Variants in ADAMTSL1 observed in about 807,000 individuals in gnomAD.
ADAMTSL1 encodes ADAMTS like 1.
A neutral mutation model predicts 201.8 loss-of-function variants in ADAMTSL1; 126 were observed. The ratio of observed to expected loss-of-function variants is 0.62; its 90% confidence interval spans 0.54 to 0.72. The LOEUF (loss-of-function observed/expected upper bound fraction) is 0.72, where lower values mean the gene tolerates loss of function less well. ADAMTSL1 is among the 30% of genes least tolerant of loss of function. The pLI, the probability that ADAMTSL1 is intolerant of heterozygous loss-of-function variation, is 0.00. For missense variants in ADAMTSL1, 2,679 were observed against 2,277.8 expected, an observed-to-expected ratio of 1.18 and a Z score of -3.59; for synonymous variants, 1,121 against 903.4, an observed-to-expected ratio of 1.24 and a Z score of -4.32.
chr9:18,895,025 C>T (rs1829532958), intron 26 of ADAMTSL1, among the ~76,000 whole-genome samples: 2 of 152,106 alleles, frequency 1.3e-5, no homozygotes, highest in African/African-American at 2.4e-5. Context: ...AAGCATTGGC[C>T]TTATTTTATA....
chr9:18,387,654 T>C (rs985081487), intron 2 of ADAMTSL1, among the ~76,000 whole-genome samples: 1 of 152,208 alleles, frequency 6.6e-6, no homozygotes, highest in African/African-American at 2.4e-5. Flanking sequence ...ATTTGTTTTT[T>C]TAATTGATTT....
chr9:18,868,935 C>T (rs1016615951), intron 23 of ADAMTSL1, among the ~76,000 whole-genome samples: 3 of 152,156 alleles, frequency 2.0e-5, no homozygotes, highest in African/African-American at 7.2e-5. Flanking sequence ...TCTCCAGTAC[C>T]TGTGGATGTG....
intron 23 of ADAMTSL1, among the ~76,000 whole-genome samples, chr9:18,865,172 T>A (rs1393667072): frequency 2.0e-5 from 3 of 152,164 alleles, no homozygotes; most frequent in South Asian, 2.1e-4. Flanking sequence ...GTATATCTCC[T>A]AATGCTATCC....
rs1243190851 is a variant in ADAMTSL1 at position 18,460,544 on chromosome 9, G to C, written c.208-44285G>C. Among the ~76,000 whole-genome samples, 3 of 152,154 alleles carry C rather than the reference G, an allele frequency of 2.0e-5. No individual in the cohort carries two copies. In the South Asian group the frequency reaches 6.2e-4, roughly 32 times the overall value. ...ATTTATGGCAGATTTTGTGATGCCT[G>C]TGTTGTACTCTGATTTAATAGGGGG... On this transcript the variant is annotated intron_variant, in intron 2 of 29. Coordinates refer to the ADAMTSL1 transcript ENST00000680146.
chr9:18,853,983 A>C (rs796755769), intron 23 of ADAMTSL1, among the ~76,000 whole-genome samples: 23 of 151,800 alleles, frequency 1.5e-4, no homozygotes, highest in African/African-American at 5.6e-4. Flanking sequence ...TCTCCAAGAT[A>C]TTGTCTACCA....
intron 26 of ADAMTSL1, among the ~76,000 whole-genome samples, chr9:18,903,200 TAAAAAG>T (rs983754334): frequency 1.3e-5 from 2 of 151,370 alleles, no homozygotes; most frequent in African/African-American, 4.9e-5. Flanking sequence ...AACAAAAACA[TAAAAAG>T]AAAAAGAAAA....
At chr9:17,913,302 A>G (rs971643345) in intron 1 of ADAMTSL1, among the ~76,000 whole-genome samples, 4 of 152,132 alleles carry the variant, frequency 2.6e-5, no homozygotes, top group Admixed American at 6.5e-5. Flanking sequence ...GGCCATTTTC[A>G]TGATATTGAT....
At chr9:18,643,120 T>C (rs946766719) in intron 7 of ADAMTSL1, among the ~76,000 whole-genome samples, 1 of 152,020 alleles carries the variant, frequency 6.6e-6, no homozygotes, top group African/African-American at 2.4e-5. Flanking sequence ...TAACAGCAAT[T>C]CTATAAGGTG....
chr9:18,386,013 A>T (rs1278058167), intron 2 of ADAMTSL1, among the ~76,000 whole-genome samples: 1 of 152,216 alleles, frequency 6.6e-6, no homozygotes, highest in Non-Finnish European at 1.5e-5. Context: ...CAGCGAAGTC[A>T]AAGAATGCAT....
chr9:18,225,024 T>C (rs1830393598), intron 2 of ADAMTSL1, among the ~76,000 whole-genome samples: 1 of 152,184 alleles, frequency 6.6e-6, no homozygotes, highest in East Asian at 1.9e-4. Flanking sequence ...AAACTGTTCT[T>C]GTAAACTACT....
rs377152353 is a variant in ADAMTSL1, at chr9:18,201,933, C to T, written c.207+37952C>T. ...GAAATACCTGTGTAATAATTTATCA[C>T]CACTGAATTTGGCCTTTTTCTCAAA... is the stretch of plus-strand genomic sequence containing the variant. On this transcript the variant is annotated intron_variant, in intron 2 of 29. Coordinates refer to the ADAMTSL1 transcript ENST00000680146. 4.6e-5 allele frequency among the ~76,000 whole-genome samples: 7 copies of T among 152,220 alleles called. No homozygotes were observed. In the East Asian group the frequency reaches 1.2e-3, roughly 25 times the overall value.
At chr9:18,658,814 A>G (rs1165427552) in intron 8 of ADAMTSL1, among the ~76,000 whole-genome samples, 3 of 152,306 alleles carry the variant, frequency 2.0e-5, no homozygotes, top group Non-Finnish European at 4.4e-5. Flanking sequence ...TTTAACTTTT[A>G]TGCTTTTATA....
At chr9:18,141,349 A>G (rs112707176) in intron 1 of ADAMTSL1, among the ~76,000 whole-genome samples, 25 of 152,324 alleles carry the variant, frequency 1.6e-4, no homozygotes, top group African/African-American at 5.3e-4. Flanking sequence ...AGGCTGGGAA[A>G]GAGGCTCTAA....
intron 2 of ADAMTSL1, among the ~76,000 whole-genome samples, chr9:18,173,786 G>T (rs1017308739): frequency 2.6e-5 from 4 of 152,116 alleles, no homozygotes; most frequent in African/African-American, 9.7e-5. Context: ...TAAATAACAC[G>T]TGTGAATTTT....
At chr9:18,367,636 AT>A (rs1267629589) in intron 2 of ADAMTSL1, among the ~76,000 whole-genome samples, 1 of 150,504 alleles carries the variant, frequency 6.6e-6, no homozygotes, top group Non-Finnish European at 1.5e-5. Flanking sequence ...CACTTTACAT[AT>A]TCTAATTCAA....
chr9:18,124,941 G>A (rs1825669666), intron 1 of ADAMTSL1, among the ~76,000 whole-genome samples: 1 of 152,126 alleles, frequency 6.6e-6, no homozygotes, highest in Non-Finnish European at 1.5e-5. Flanking sequence ...TGTTTTCTTA[G>A]GAGTTTGTTG....
chr9:18,130,725 C>A (rs1259246020), intron 1 of ADAMTSL1, among the ~76,000 whole-genome samples: 1 of 152,162 alleles, frequency 6.6e-6, no homozygotes, highest in Non-Finnish European at 1.5e-5. Context: ...TCCCACCAGA[C>A]ACATAGGGAA....
At chr9:18,216,818 A>G (rs972619760) in intron 2 of ADAMTSL1, among the ~76,000 whole-genome samples, 6 of 151,918 alleles carry the variant, frequency 3.9e-5, no homozygotes, top group Admixed American at 3.3e-4. Context: ...TTCAGATTCC[A>G]TGTTAATAGT....
At chr9:18,219,014 C>T (rs1448453552) in intron 2 of ADAMTSL1, among the ~76,000 whole-genome samples, 1 of 151,962 alleles carries the variant, frequency 6.6e-6, no homozygotes, top group Non-Finnish European at 1.5e-5. Flanking sequence ...TGTAGTGCTA[C>T]ATCTGTCATA....
Sources: allele counts gnomAD v4.1 joint callset (sites outside exome capture counted in the v4.1 genomes callset), GRCh38; gene constraint gnomAD v4.1.1; transcripts MANE v1.5; gene names NCBI Gene and HGNC (gene_info 2026-07-23, HGNC 2026-07-21).